The following BBX variants were observed in gnomAD, a reference collection of about 807,000 sequenced individuals.
BBX encodes the protein BBX high mobility group box domain containing, also known as HMG box transcription factor BBX.
Under a neutral mutation model 100.2 loss-of-function variants are expected in BBX, and 30 were observed. The ratio of observed to expected loss-of-function variants is 0.30; its 90% CI spans 0.22 to 0.41. The LOEUF (loss-of-function observed/expected upper bound fraction) is 0.41. Among genes scored for constraint, BBX ranks in the 10% least tolerant of loss-of-function variants. The probability of loss-of-function intolerance (pLI) is 1.00; values close to 1 mark genes in which losing one functional copy is unlikely to be tolerated. For missense variants in BBX, 1,023 were observed against 1,129.8 expected, an observed-to-expected ratio of 0.91 and a Z score of 1.35; for synonymous variants, 376 against 388.1, an observed-to-expected ratio of 0.97 and a Z score of 0.37.
chr3:107,788,023 T>A (rs971198869), intron 13 of BBX, among the ~76,000 whole-genome samples: 2 of 152,216 alleles, frequency 1.3e-5, no homozygotes, highest in Non-Finnish European at 2.9e-5. Context: ...CGTAAGATAG[T>A]ATAAGATTGC....
intron 3 of BBX, among the ~76,000 whole-genome samples, chr3:107,676,854 T>C (rs183480797): frequency 1.1e-4 from 16 of 152,250 alleles, no homozygotes; most frequent in Admixed American, 9.2e-4. Flanking sequence ...AAAAGATCAT[T>C]TCATCAAGAT....
intron 17 of BBX, among the ~76,000 whole-genome samples, chr3:107,803,870 T>C (rs1342329294): frequency 6.6e-6 from 1 of 152,166 alleles, no homozygotes; most frequent in Non-Finnish European, 1.5e-5. Flanking sequence ...TCTTTCCTTT[T>C]TCCATTGATT....
chr3:107,790,024 C>A (rs1287988885), intron 14 of BBX, 148 bp downstream of exon 14: 1 of 549,784 alleles, frequency 1.8e-6, no homozygotes, highest in Admixed American at 3.2e-5. Context: ...TGTTCTCATT[C>A]TTTCCGGACT....
chr3:107,530,685 T>G (rs958549722), intron 2 of BBX, among the ~76,000 whole-genome samples: 1 of 152,156 alleles, frequency 6.6e-6, no homozygotes, highest in Non-Finnish European at 1.5e-5. Context: ...GGGTAAAAAT[T>G]ATTCAAAACA....
intron 7 of BBX, among the ~76,000 whole-genome samples, chr3:107,737,893 T>TTTTTTTG (rs1553795862): frequency 2.2e-5 from 3 of 133,360 alleles, no homozygotes; most frequent in Non-Finnish European, 4.9e-5. Context: ...AGTTTTTTTT[T>TTTTTTTG]TTTTTTTTTT....
intron 2 of BBX, among the ~76,000 whole-genome samples, chr3:107,626,575 C>T (rs557775053): frequency 6.6e-6 from 1 of 152,002 alleles, no homozygotes; most frequent in Admixed American, 6.5e-5. Context: ...CAAGGTGGTT[C>T]ACTCACATGC....
At chr3:107,752,218 C>A (rs2065131323) in intron 9 of BBX, among the ~76,000 whole-genome samples, 1 of 152,006 alleles carries the variant, frequency 6.6e-6, no homozygotes, top group African/African-American at 2.4e-5. Context: ...ATAATCTCAC[C>A]AAAATTAAAA....
intron 8 of BBX, among the ~76,000 whole-genome samples, chr3:107,745,196 A>T (rs1473438794): frequency 6.6e-6 from 1 of 152,184 alleles, no homozygotes; most frequent in Non-Finnish European, 1.5e-5. Flanking sequence ...TCAGCTCAAT[A>T]GGTCTCTTGA....
chr3:107,606,309 A>G (rs1244367959), intron 2 of BBX, among the ~76,000 whole-genome samples: 1 of 152,196 alleles, frequency 6.6e-6, no homozygotes, highest in Non-Finnish European at 1.5e-5. Context: ...AAAGCAAGGA[A>G]GTATACTCTA....
intron 3 of BBX, among the ~76,000 whole-genome samples, chr3:107,661,280 T>A (rs987304626): frequency 6.6e-6 from 1 of 152,206 alleles, no homozygotes; most frequent in African/African-American, 2.4e-5. Context: ...TGGATTTCTT[T>A]AATATTCTAC....
intron 10 of BBX, among the ~76,000 whole-genome samples, chr3:107,757,836 T>G (rs1173770273): frequency 6.6e-6 from 1 of 152,236 alleles, no homozygotes; most frequent in Non-Finnish European, 1.5e-5. Context: ...TTTTTCCTAT[T>G]GCCTAGAATT....
chr3:107,675,568 C>T (rs1309217172), intron 3 of BBX, among the ~76,000 whole-genome samples: 1 of 152,064 alleles, frequency 6.6e-6, no homozygotes, highest in Non-Finnish European at 1.5e-5. Flanking sequence ...GTTTTAATAC[C>T]GTCGTTTGTG....
rs751770317 is a variant in BBX, at chr3:107,774,747, C to T, written c.1944C>T (p.Ser648=). 1.4e-5 allele frequency: 22 copies of T among 1,613,274 alleles called. No individual in the cohort carries two copies. Among genetic ancestry groups the T allele is most frequent in the African/African-American group, 2.7e-5 (2 of 74,864 alleles). Residue 648 remains serine, a synonymous_variant, in exon 12 of 18, where the codon TCC becomes TCT. Coordinates refer to ENST00000325805, the MANE Select transcript of BBX (RefSeq NM_001142568.3). The stretch of plus-strand genomic sequence containing the variant: ...AACGAAGCTCAGGAAAAGGAAACTC[C>T]TCTGATCATGAAGGGTGTTGGAATG... The part of the protein sequence containing the change: ...RGKRSSGKGN[S]SDHEGCWNEE...
chr3:107,621,015 G>A (rs1212864836), intron 2 of BBX, among the ~76,000 whole-genome samples: 1 of 152,078 alleles, frequency 6.6e-6, no homozygotes, highest in African/African-American at 2.4e-5. Flanking sequence ...TTGGGGTTGT[G>A]GCTCATCTTT....
Position 107,807,398 on chromosome 3 carries a change from A to T in BBX, c.*1941A>T, listed in dbSNP as rs1311180771. On this transcript the variant is annotated 3_prime_UTR_variant, in exon 18 of 18. Transcript: ENST00000325805. ...AATATTTTTACTATGATGCTGTTTT[A>T]TTAATATTTTCTAAATTTCAAAACA... is the stretch of plus-strand genomic sequence containing the variant. 2 of 152,158 alleles carry T rather than the reference A, an allele frequency of 1.3e-5. No homozygotes were observed. The highest frequency in any genetic ancestry group is 4.8e-5 in the African/African-American group (2 of 41,438). The allele number at this position is 152,158 out of a possible 1,614,324, so 9.4% of individuals were successfully genotyped here.
At chr3:107,572,817 ATTG>A (rs1307355333) in intron 2 of BBX, among the ~76,000 whole-genome samples, 1 of 152,198 alleles carries the variant, frequency 6.6e-6, no homozygotes, top group African/African-American at 2.4e-5. Context: ...ATGAAGAGAT[ATTG>A]TTAAGTGAGC....
intron 13 of BBX, 115 bp downstream of exon 13, chr3:107,778,634 G>A: frequency 1.7e-6 from 2 of 1,181,032 alleles, no homozygotes; most frequent in African/African-American, 3.1e-5. Context: ...GCAGTAGGGA[G>A]TTAGAATCTT....
At chr3:107,747,258 G>C (rs2064700301) in intron 8 of BBX, among the ~76,000 whole-genome samples, 1 of 151,972 alleles carries the variant, frequency 6.6e-6, no homozygotes, top group South Asian at 2.1e-4. Flanking sequence ...TGTTTGTGTT[G>C]GGTGGGAGGA....
chr3:107,711,454 A>AT, intron 4 of BBX: 1 of 380,706 alleles, frequency 2.6e-6, no homozygotes, highest in South Asian at 2.0e-5. Flanking sequence ...TGTTTTTAAT[A>AT]TTTTTCAGGC....
Sources: allele counts gnomAD v4.1 joint callset (sites outside exome capture counted in the v4.1 genomes callset), GRCh38; gene constraint gnomAD v4.1.1; transcripts MANE v1.5; gene names NCBI Gene and HGNC (gene_info 2026-07-23, HGNC 2026-07-21).